Variants in SUMF1 observed in about 807,000 individuals in gnomAD.
SUMF1 encodes the protein formylglycine-generating enzyme.
Under a neutral mutation model 47.6 loss-of-function variants are expected in SUMF1, and 48 were observed. The observed-to-expected ratio is 1.01, with a 90% CI of 0.80 to 1.28. The LOEUF is 1.28. SUMF1 is among the 50% of genes most tolerant of loss of function. The pLI, the probability that SUMF1 is intolerant of heterozygous loss-of-function variation, is 0.00. For missense variants in SUMF1, 571 were observed against 485.4 expected, an observed-to-expected ratio of 1.18 and a Z score of -1.66; for synonymous variants, 230 against 192.1, an observed-to-expected ratio of 1.20 and a Z score of -1.63.
chr3:4,441,470 C>G (rs1304484003), intron 3 of SUMF1, among the ~76,000 whole-genome samples: 2 of 152,068 alleles, frequency 1.3e-5, no homozygotes, highest in Non-Finnish European at 2.9e-5. Flanking sequence ...AAAACCATCC[C>G]CTCCCCTGCC....
intron 8 of SUMF1, among the ~76,000 whole-genome samples, chr3:4,238,304 G>T (rs1276982165): frequency 6.6e-6 from 1 of 152,160 alleles, no homozygotes; most frequent in Non-Finnish European, 1.5e-5. Context: ...TAACGGGATT[G>T]CTGGGTCAAA....
At chr3:4,084,307 G>A (rs1028715876) in intron 8 of SUMF1, among the ~76,000 whole-genome samples, 6 of 152,082 alleles carry the variant, frequency 3.9e-5, no homozygotes, top group Admixed American at 1.3e-4. Context: ...CTATACAGGA[G>A]GCTACTCAGG....
intron 8 of SUMF1, among the ~76,000 whole-genome samples, chr3:4,259,522 G>T (rs936359034): frequency 6.6e-6 from 1 of 152,218 alleles, no homozygotes; most frequent in East Asian, 1.9e-4. Context: ...TTCGATGTGG[G>T]ATATAAGGCT....
At chr3:4,349,941 A>C (rs1000036921) in intron 8 of SUMF1, among the ~76,000 whole-genome samples, 5 of 144,184 alleles carry the variant, frequency 3.5e-5, no homozygotes, top group African/African-American at 1.3e-4. Context: ...CTGTACATGC[A>C]TCCGGTTTTT....
At chr3:4,236,868 G>A (rs776725465) in intron 8 of SUMF1, among the ~76,000 whole-genome samples, 17 of 152,004 alleles carry the variant, frequency 1.1e-4, no homozygotes, top group East Asian at 1.9e-4. Context: ...TGGTTTAAGC[G>A]TTCCAAAAAC....
Position 4,273,719 on chromosome 3 carries a change from GGGAGGATACGGGA to G in SUMF1, c.1014+102598_1014+102610del, listed in dbSNP as rs747852748. Among the ~76,000 whole-genome samples the G allele has an allele frequency of 3.5e-3, 229 of 65,068 alleles. 2 individuals carry two copies. The highest frequency in any genetic ancestry group is 4.9e-3 in the Non-Finnish European group (172 of 34,854). The allele number at this position is 65,068 out of a possible 152,430, so 42.7% of individuals were successfully genotyped here. A position where few individuals can be genotyped will look rare whatever the true frequency, so the allele number is the denominator to read the frequency against. ...AGGATACGGGAGGGAGGATACGGGAGGGAGGATACGGGAGGGAGGATACGGGAGGGAGGATACG... is the reference window on the plus strand; with the variant it reads ...AGGATACGGGAGGGAGGATACGGGAGGGGAGGATACGGGAGGGAGGATACG... On this transcript the variant is annotated intron_variant and NMD_transcript_variant, in intron 8 of 12. Coordinates refer to the SUMF1 transcript ENST00000448413.
At chr3:4,123,753 CTTGA>C (rs1693596375) in intron 8 of SUMF1, among the ~76,000 whole-genome samples, 1 of 152,028 alleles carries the variant, frequency 6.6e-6, no homozygotes, top group Non-Finnish European at 1.5e-5. Flanking sequence ...CTATTTGCAC[CTTGA>C]TTTTCTCTAA....
At chr3:4,146,203 G>A (rs970547226) in intron 8 of SUMF1, among the ~76,000 whole-genome samples, 2 of 152,074 alleles carry the variant, frequency 1.3e-5, no homozygotes, top group African/African-American at 4.8e-5. Flanking sequence ...GGGAAAAGAG[G>A]GGTGGATGAA....
chr3:4,358,908 C>G (rs1034320832), downstream of SUMF1, among the ~76,000 whole-genome samples: 3 of 152,220 alleles, frequency 2.0e-5, no homozygotes, highest in Non-Finnish European at 2.9e-5. Context: ...AAAGGATCAA[C>G]TGGCTGTAAT....
intron 8 of SUMF1, among the ~76,000 whole-genome samples, chr3:4,353,294 C>T (rs1699544289): frequency 6.6e-6 from 1 of 152,164 alleles, no homozygotes; most frequent in Non-Finnish European, 1.5e-5. Context: ...ACTCTGTCGC[C>T]CAGGCTGGAG....
chr3:4,311,858 A>G (rs1698418048), intron 8 of SUMF1, among the ~76,000 whole-genome samples: 1 of 152,238 alleles, frequency 6.6e-6, no homozygotes, highest in African/African-American at 2.4e-5. Flanking sequence ...GAATTACTAT[A>G]TACATAAAAA....
chr3:4,242,042 C>T (rs1696549112), intron 8 of SUMF1, among the ~76,000 whole-genome samples: 2 of 151,952 alleles, frequency 1.3e-5, no homozygotes, highest in African/African-American at 4.8e-5. Context: ...ATAGCTGGCT[C>T]GTTGGTCTAG....
intron 6 of SUMF1, among the ~76,000 whole-genome samples, chr3:4,411,639 C>A (rs1363148042): frequency 6.8e-6 from 1 of 147,886 alleles, no homozygotes; most frequent in East Asian, 2.0e-4. Flanking sequence ...GACAGTCTGC[C>A]ACATAATACT....
At chr3:4,256,612 T>C (rs1207828328) in intron 8 of SUMF1, among the ~76,000 whole-genome samples, 8 of 150,396 alleles carry the variant, frequency 5.3e-5, no homozygotes, top group Non-Finnish European at 8.9e-5. Flanking sequence ...GCTGAAATTG[T>C]GGCAATAATC....
At chr3:4,242,463 T>A (rs906610914) in intron 8 of SUMF1, among the ~76,000 whole-genome samples, 1 of 152,228 alleles carries the variant, frequency 6.6e-6, no homozygotes, top group Non-Finnish European at 1.5e-5. Context: ...ACCTAGTTTA[T>A]TGAGAATTTT....
At chr3:4,350,713 A>C (rs2125154090) in intron 8 of SUMF1, among the ~76,000 whole-genome samples, 1 of 152,274 alleles carries the variant, frequency 6.6e-6, no homozygotes, top group South Asian at 2.1e-4. Context: ...AAAGATGACA[A>C]ATTATTCCAG....
chr3:4,114,582 A>G (rs1693380940), intron 8 of SUMF1, among the ~76,000 whole-genome samples: 1 of 151,594 alleles, frequency 6.6e-6, no homozygotes, highest in African/African-American at 2.4e-5. Flanking sequence ...TAAGTGGCCA[A>G]CATAAAAATT....
chr3:4,077,303 T>A (rs1481246600), intron 8 of SUMF1, among the ~76,000 whole-genome samples: 3 of 152,138 alleles, frequency 2.0e-5, no homozygotes, highest in African/African-American at 7.2e-5. Flanking sequence ...ATCCCATTAC[T>A]GGGTATATAC....
chr3:4,211,103 CATATAT>C (rs3046240), intron 8 of SUMF1, among the ~76,000 whole-genome samples: 1 of 91,398 alleles, frequency 1.1e-5, no homozygotes. Context: ...AATAAACTCC[CATATAT>C]ATATATATAT....
Sources: gnomAD v4.1 joint callset for allele counts (sites outside exome capture counted in the v4.1 genomes callset) on GRCh38, gnomAD v4.1.1 for gene constraint, MANE v1.5 for transcripts, NCBI Gene and HGNC (gene_info 2026-07-23, HGNC 2026-07-21) for gene names.